Variants in SCAPER observed in about 807,000 individuals in gnomAD.
SCAPER encodes the protein S-phase cyclin A associated protein in the ER.
SCAPER carries 98 observed loss-of-function variants against 182.2 expected under a neutral mutation model. That is an observed-to-expected ratio of 0.54 (90% CI 0.46 to 0.64). SCAPER has a LOEUF of 0.64. Among genes scored for constraint, SCAPER ranks in the 30% least tolerant of loss-of-function variants. SCAPER has a pLI of 0.00. For synonymous variants in SCAPER, 605 were observed against 564.6 expected (o/e 1.07, Z -1.01); for missense variants, 1,432 against 1,690.0 (o/e 0.85, Z 2.68).
intron 2 of SCAPER, among the ~76,000 whole-genome samples, chr15:76,880,389 C>T (rs1028560958): frequency 2.0e-5 from 3 of 152,186 alleles, no homozygotes; most frequent in Non-Finnish European, 2.9e-5. Context: ...ATTATTTTCT[C>T]CTCTTCCCTA....
intron 23 of SCAPER, among the ~76,000 whole-genome samples, chr15:76,540,218 T>C (rs975505613): frequency 2.0e-5 from 3 of 151,878 alleles, no homozygotes; most frequent in Non-Finnish European, 4.4e-5. Context: ...CTGGGCAACA[T>C]AGCAAGACCC....
chr15:76,448,444 T>C (rs62028420), intron 25 of SCAPER, among the ~76,000 whole-genome samples: 9,855 of 152,056 alleles, frequency 0.065, 356 homozygotes, highest in Middle Eastern at 0.099. Flanking sequence ...GGGAATGCAG[T>C]GGGGGAAGCC....
intron 15 of SCAPER, among the ~76,000 whole-genome samples, chr15:76,750,269 T>TA (rs1018224188): frequency 2.0e-4 from 31 of 151,916 alleles, no homozygotes; most frequent in Admixed American, 2.0e-3. Flanking sequence ...TGAATAGACT[T>TA]ACAACTAGTA....
intron 20 of SCAPER, among the ~76,000 whole-genome samples, chr15:76,680,740 C>T (rs1353322143): frequency 1.3e-5 from 2 of 152,156 alleles, no homozygotes; most frequent in Admixed American, 6.5e-5. Flanking sequence ...TCTCTGCATG[C>T]ACCAGCTCCT....
intron 19 of SCAPER, 106 bp downstream of exon 19, chr15:76,702,744 T>G: frequency 7.5e-7 from 1 of 1,326,412 alleles, no homozygotes; most frequent in South Asian, 1.5e-5. Flanking sequence ...CTGCCACATC[T>G]CGCCTGCCTT....
intron 22 of SCAPER, among the ~76,000 whole-genome samples, chr15:76,616,810 C>G (rs1402875665): frequency 6.6e-6 from 1 of 152,098 alleles, no homozygotes; most frequent in Non-Finnish European, 1.5e-5. Flanking sequence ...TTTTGGGCCT[C>G]TATCATTTTA....
rs76369456 is a variant in SCAPER at position 76,653,521 on chromosome 15, G to C, written c.2645+12132C>G. On this transcript the variant is annotated intron_variant, in intron 21 of 31. Coordinates refer to ENST00000563290, the MANE Select transcript of SCAPER (RefSeq NM_020843.4). ...GTATTGGTACAAAAACTGACACATA[G>C]ACCAACTGAACAGAAAACTCAGAAA... Among the ~76,000 whole-genome samples the C allele has an allele frequency of 9.0e-3, 1,368 of 152,142 alleles. 20 individuals are homozygous for C. Among genetic ancestry groups the C allele is most frequent in the African/African-American group, 0.032 (1,328 of 41,498 alleles).
rs2071533058 is a variant in SCAPER at position 76,857,814 on chromosome 15, T to C, written c.190A>G (p.Lys64Glu). 2 of 1,537,216 alleles carry C rather than the reference T, an allele frequency of 1.3e-6. No homozygotes were observed. The highest frequency in any genetic ancestry group is 1.8e-6 in the Non-Finnish European group (2 of 1,138,466). The change falls in exon 4 of 32, where the codon AAA (lysine) becomes GAA (glutamate). Residue 64 changes from lysine (K) to glutamate (E), a missense_variant. By Grantham distance (56) the Lys-to-Glu change is moderately conservative. Coordinates refer to ENST00000563290, the MANE Select transcript of SCAPER (RefSeq NM_020843.4). ...AAAAGTTATAGATGCTGTACCTGTT[T>C]AGTAGTTTTATGAGTGCCTTGAATG... ...RTIQGTHKTT[K>E]QSTAVDCKIT...
In SCAPER at chr15:76,376,258, G is replaced by A; in HGVS notation, c.3759C>T (p.Ser1253=). ...AGACTTGGCTGCAGTGGCCCAGCAGGGAGCTGGCCATGTGCCGGAATGCAA... is the reference window on the plus strand; with the variant it reads ...AGACTTGGCTGCAGTGGCCCAGCAGAGAGCTGGCCATGTGCCGGAATGCAA... ...LSLAFRHMAS[S]LLGHCSQVSC... The change falls in exon 29 of 32, where the codon TCC becomes TCT. Residue 1253 remains serine, a synonymous_variant. Coordinates refer to ENST00000563290, the MANE Select transcript of SCAPER (RefSeq NM_020843.4). The A allele has an allele frequency of 6.2e-7, 1 of 1,613,924 alleles. No homozygotes were observed. Among genetic ancestry groups the A allele is most frequent in the Non-Finnish European group, 8.5e-7 (1 of 1,179,842 alleles).
At chr15:76,431,875 T>A (rs894015260) in intron 26 of SCAPER, among the ~76,000 whole-genome samples, 1 of 152,078 alleles carries the variant, frequency 6.6e-6, no homozygotes, top group Admixed American at 6.5e-5. Flanking sequence ...TTGTCAATCA[T>A]CATTTTTAAG....
At chr15:76,490,895 C>T (rs771558158) in intron 24 of SCAPER, among the ~76,000 whole-genome samples, 7 of 152,126 alleles carry the variant, frequency 4.6e-5, no homozygotes, top group Non-Finnish European at 7.4e-5. Flanking sequence ...TGAAGATTAT[C>T]CTTCCTGTGT....
intron 26 of SCAPER, among the ~76,000 whole-genome samples, chr15:76,406,201 GAC>G (rs2044816965): frequency 1.3e-5 from 2 of 152,308 alleles, no homozygotes; most frequent in Admixed American, 1.3e-4. Flanking sequence ...TCTGTAGCCA[GAC>G]ACGGTGGATC....
rs118187166 is a variant in SCAPER, at chr15:76,835,810, G to T, written c.393+5924C>A. Among the ~76,000 whole-genome samples the T allele has an allele frequency of 4.9e-3, 741 of 151,410 alleles. 47 individuals carry two copies. The East Asian group carries it at 0.13, about 27-fold the overall frequency. On this transcript the variant is annotated intron_variant, in intron 5 of 31. Coordinates refer to ENST00000563290, the MANE Select transcript of SCAPER (RefSeq NM_020843.4). ...AAAACCTTATAGTCTCTGTCCAAAG[G>T]CTCCCAGAAGTGTTAAGTTTCAGGA...
intron 26 of SCAPER, among the ~76,000 whole-genome samples, chr15:76,422,143 C>T (rs1012144363): frequency 1.8e-4 from 27 of 152,072 alleles, no homozygotes; most frequent in African/African-American, 5.8e-4. Flanking sequence ...AAGTTTTTTC[C>T]AATTCTGTGA....
At chr15:76,670,380 T>G (rs1226528563) in intron 20 of SCAPER, among the ~76,000 whole-genome samples, 1 of 152,126 alleles carries the variant, frequency 6.6e-6, no homozygotes, top group East Asian at 1.9e-4. Flanking sequence ...AGCTAACAGA[T>G]GTAAGCTATT....
At chr15:76,528,559 T>C (rs1184110163) in intron 23 of SCAPER, among the ~76,000 whole-genome samples, 2 of 152,256 alleles carry the variant, frequency 1.3e-5, no homozygotes, top group African/African-American at 4.8e-5. Flanking sequence ...ACAGCCAATA[T>C]TGATTTAGTC....
chr15:76,857,665 T>C lies in SCAPER; in HGVS notation c.195+144A>G, dbSNP rs1003158652. 5.2e-6 allele frequency: 3 copies of C among 580,084 alleles called. No homozygotes were observed. The Middle Eastern group carries it at 1.4e-3, about 271-fold the overall frequency. 35.9% of individuals were successfully genotyped at this position (580,084 alleles called of 1,614,324 possible). On this transcript the variant is annotated intron_variant, in intron 4 of 31. Transcript: ENST00000563290. ...CAAGTAAGTCACACTGATTACCATATACACATTTGTTTTTAAAAAGTACAT... is the reference window on the plus strand; with the variant it reads ...CAAGTAAGTCACACTGATTACCATACACACATTTGTTTTTAAAAAGTACAT...
At chr15:76,486,951 C>T (rs1281552536) in intron 24 of SCAPER, among the ~76,000 whole-genome samples, 3 of 151,658 alleles carry the variant, frequency 2.0e-5, no homozygotes, top group African/African-American at 4.8e-5. Flanking sequence ...TAAATGCCAA[C>T]GATTGAATTA....
At chr15:76,535,515 C>G (rs1393386027) in intron 23 of SCAPER, among the ~76,000 whole-genome samples, 1 of 86,020 alleles carries the variant, frequency 1.2e-5, no homozygotes, top group Non-Finnish European at 2.0e-5. Flanking sequence ...GAGCAAGACT[C>G]TGTCTCAAAA....
Sources: gnomAD v4.1 joint callset for allele counts (sites outside exome capture counted in the v4.1 genomes callset) on GRCh38, gnomAD v4.1.1 for gene constraint, MANE v1.5 for transcripts, NCBI Gene and HGNC (gene_info 2026-07-23, HGNC 2026-07-21) for gene names.